TEX10: variants seen among roughly 807,000 people sequenced by gnomAD.
TEX10 encodes the protein testis expressed 10.
A neutral mutation model predicts 104.4 loss-of-function variants in TEX10; 24 were observed. The observed-to-expected ratio is 0.23, with a 90% confidence interval of 0.17 to 0.32. The LOEUF (loss-of-function observed/expected upper bound fraction) is 0.32. Ranked by LOEUF, TEX10 falls within the 10% of genes least tolerant of loss-of-function variation. The pLI, the probability that TEX10 is intolerant of heterozygous loss-of-function variation, is 1.00. For synonymous variants in TEX10, 396 were observed against 393.4 expected (o/e 1.01, Z -0.08); for missense variants, 921 against 1,083.9 (o/e 0.85, Z 2.11).
Position 100,326,180 on chromosome 9 carries a change from G to A in TEX10, c.1979+122C>T, listed in dbSNP as rs762817060. 10 of 974,802 alleles carry A rather than the reference G, an allele frequency of 1.0e-5. No individual in the cohort carries two copies. The East Asian group carries it at 2.4e-4, about 23-fold the overall frequency. The allele number at this position is 974,802 out of a possible 1,614,324, so 60.4% of individuals were successfully genotyped here. A position where few individuals can be genotyped will look rare whatever the true frequency, so the allele number is the denominator to read the frequency against. On this transcript the variant is annotated intron_variant, in intron 9 of 14. Transcript: ENST00000374902. ...TCTACCTAGTGATATAGTTTTAATTGTTGCATTAAGAGTAAATGAAAGTAG... is the reference window on the plus strand; with the variant it reads ...TCTACCTAGTGATATAGTTTTAATTATTGCATTAAGAGTAAATGAAAGTAG...
intron 13 of TEX10, 49 bp downstream of exon 13, chr9:100,308,451 G>A (rs1588163562): frequency 6.8e-7 from 1 of 1,469,894 alleles, no homozygotes; most frequent in East Asian, 2.3e-5. Context: ...TTTGGTTGGG[G>A]GAGGAGGAAC....
chr9:100,352,472 C>T, intron 1 of TEX10: 2 of 1,551,692 alleles, frequency 1.3e-6, no homozygotes, highest in Non-Finnish European at 1.7e-6. Context: ...CCGGCCAGGA[C>T]CAGAGTCGGG....
chr9:100,309,432 T>TA (rs1834218583), intron 12 of TEX10, among the ~76,000 whole-genome samples: 1 of 152,086 alleles, frequency 6.6e-6, no homozygotes, highest in East Asian at 1.9e-4. Context: ...TGTGTGAAAA[T>TA]AGTGGCCAAG....
chr9:100,334,023 A>T (rs1834942861), intron 5 of TEX10, among the ~76,000 whole-genome samples: 1 of 152,218 alleles, frequency 6.6e-6, no homozygotes, highest in South Asian at 2.1e-4. Flanking sequence ...AAATAGGTGG[A>T]GGATTCAGTA....
chr9:100,320,050 T>C (rs915290027), intron 11 of TEX10, among the ~76,000 whole-genome samples: 9 of 152,182 alleles, frequency 5.9e-5, no homozygotes, highest in Admixed American at 2.6e-4. Context: ...AAAAGATGGA[T>C]CTATCATTCA....
chr9:100,343,607 A>C (rs1835226236), intron 4 of TEX10, among the ~76,000 whole-genome samples: 1 of 152,106 alleles, frequency 6.6e-6, no homozygotes, highest in Admixed American at 6.5e-5. Context: ...TTAAAAAAAA[A>C]AAAAAACTAC....
Position 100,352,831 on chromosome 9 carries a change from C to T in TEX10, c.-69G>A. ...GAGAAGACAAGCGAGGGAGCAGAAG[C>T]CCACGGGGCAACAGCGTGCGCCGCC... On this transcript the variant is annotated 5_prime_UTR_variant, in exon 1 of 15. Transcript: ENST00000374902. 1 of 1,036,538 alleles carries T rather than the reference C, an allele frequency of 9.6e-7. No individual in the cohort carries two copies. The highest frequency in any genetic ancestry group is 1.2e-6 in the Non-Finnish European group (1 of 865,432). 64.2% of individuals were successfully genotyped at this position (1,036,538 alleles called of 1,614,324 possible).
chr9:100,310,183 T>A, intron 12 of TEX10, 116 bp downstream of exon 12: 1 of 821,556 alleles, frequency 1.2e-6, no homozygotes, highest in Admixed American at 2.5e-5. Flanking sequence ...TGCAAGAGAC[T>A]ATGATATCAT....
chr9:100,351,747 T>C (rs955788334), intron 1 of TEX10, among the ~76,000 whole-genome samples: 3 of 152,252 alleles, frequency 2.0e-5, no homozygotes, highest in African/African-American at 2.4e-5. Context: ...TTGACCTTCC[T>C]TGACTTTTCA....
chr9:100,316,517 G>A (rs1834421813), intron 11 of TEX10, among the ~76,000 whole-genome samples: 1 of 152,090 alleles, frequency 6.6e-6, no homozygotes, highest in African/African-American at 2.4e-5. Context: ...AGTACGGGAC[G>A]TCCTAGCCAG....
chr9:100,339,847 C>T (rs1328700779), intron 5 of TEX10, among the ~76,000 whole-genome samples: 1 of 151,500 alleles, frequency 6.6e-6, no homozygotes, highest in African/African-American at 2.4e-5. Context: ...ACCCTCCTTC[C>T]TTCGGGATAC....
At chr9:100,320,046 T>C (rs1278868513) in intron 11 of TEX10, among the ~76,000 whole-genome samples, 2 of 152,232 alleles carry the variant, frequency 1.3e-5, no homozygotes, top group African/African-American at 2.4e-5. Context: ...TTTAAAAAGA[T>C]GGATCTATCA....
chr9:100,312,777 C>G (rs1834312091), intron 11 of TEX10, among the ~76,000 whole-genome samples: 1 of 151,978 alleles, frequency 6.6e-6, no homozygotes, highest in Non-Finnish European at 1.5e-5. Flanking sequence ...CCATACAGAC[C>G]CTGAGAGATA....
intron 11 of TEX10, among the ~76,000 whole-genome samples, chr9:100,311,266 A>T (rs1194075060): frequency 6.6e-6 from 1 of 152,036 alleles, no homozygotes; most frequent in Non-Finnish European, 1.5e-5. Context: ...GTGGTAGCAC[A>T]TGCTTGTGGT....
chr9:100,352,668 C>G (rs540129559), intron 1 of TEX10, 104 bp downstream of exon 1: 23 of 1,400,440 alleles, frequency 1.6e-5, no homozygotes, highest in Admixed American at 3.0e-5. Flanking sequence ...AAATCGTGCA[C>G]GGCCGACCCT....
At chr9:100,319,384 T>A (rs1834507238) in intron 11 of TEX10, among the ~76,000 whole-genome samples, 1 of 152,184 alleles carries the variant, frequency 6.6e-6, no homozygotes, top group South Asian at 2.1e-4. Flanking sequence ...TTTGTGAAGG[T>A]TTGTCAGAAA....
At chr9:100,322,309 T>C (rs897295956) in intron 9 of TEX10, among the ~76,000 whole-genome samples, 1 of 152,194 alleles carries the variant, frequency 6.6e-6, no homozygotes, top group African/African-American at 2.4e-5. Context: ...AGCTAAGGTA[T>C]TGGCAGAGGA....
At chr9:100,311,089 A>G (rs1370281545) in intron 11 of TEX10, among the ~76,000 whole-genome samples, 1 of 152,090 alleles carries the variant, frequency 6.6e-6, no homozygotes, top group Non-Finnish European at 1.5e-5. Flanking sequence ...TTTCCCCCCA[A>G]TCAACATTAT....
intron 4 of TEX10, among the ~76,000 whole-genome samples, chr9:100,343,068 G>C (rs1835212608): frequency 6.6e-6 from 1 of 151,240 alleles, no homozygotes; most frequent in South Asian, 2.1e-4. Flanking sequence ...AGAATGGCGT[G>C]AACTCGGGAG....
Sources: allele counts gnomAD v4.1 joint callset (sites outside exome capture counted in the v4.1 genomes callset), GRCh38; gene constraint gnomAD v4.1.1; transcripts MANE v1.5; gene names NCBI Gene and HGNC (gene_info 2026-07-23, HGNC 2026-07-21).